Variants in MAP3K1 observed in about 807,000 individuals in gnomAD.
MAP3K1 encodes the protein MAP/ERK kinase kinase 1.
Under a neutral mutation model 144.2 loss-of-function variants are expected in MAP3K1, and 36 were observed. The observed-to-expected ratio is 0.25, with a 90% CI of 0.19 to 0.33. The LOEUF is 0.33. MAP3K1 is among the 10% of genes least tolerant of loss of function. The probability of loss-of-function intolerance (pLI) is 1.00; values close to 1 mark genes in which losing one functional copy is unlikely to be tolerated. For synonymous variants in MAP3K1, 718 were observed against 688.7 expected, an observed-to-expected ratio of 1.04 and a Z score of -0.67; for missense variants, 1,650 against 1,881.9, an observed-to-expected ratio of 0.88 and a Z score of 2.28.
chr5:56,885,074 G>A (rs1267379426), intron 16 of MAP3K1, among the ~76,000 whole-genome samples: 2 of 151,990 alleles, frequency 1.3e-5, no homozygotes, highest in African/African-American at 4.8e-5. Context: ...TAGCATTGTT[G>A]TTTTTAATAC....
intron 17 of MAP3K1, among the ~76,000 whole-genome samples, chr5:56,886,529 A>G (rs75719928): frequency 0.032 from 4,925 of 152,282 alleles, 250 homozygotes; most frequent in African/African-American, 0.11. Flanking sequence ...TCCTCGTTTA[A>G]TAGAAAAGTA....
At chr5:56,858,199 A>G (rs543531513) in intron 2 of MAP3K1, among the ~76,000 whole-genome samples, 1 of 152,380 alleles carries the variant, frequency 6.6e-6, no homozygotes, top group South Asian at 2.1e-4. Context: ...TGAAGTTTGA[A>G]TGTGCTGCTT....
Position 56,859,770 on chromosome 5 carries a change from C to G in MAP3K1, c.689C>G (p.Ala230Gly), listed in dbSNP as rs886494812. The change falls in exon 3 of 20, where the codon GCT (alanine) becomes GGT (glycine). Residue 230 changes from alanine (A) to glycine (G), a missense_variant. Around this residue, in one of 6 missense-constraint regions of MAP3K1, gnomAD observed 148 missense variants for 177.2 expected, o/e 0.84. Coordinates refer to ENST00000399503, the MANE Select transcript of MAP3K1 (RefSeq NM_005921.2). The stretch of plus-strand genomic sequence containing the variant: ...GGATCTGAAATGAATCACTTAGCAG[C>G]TGAGTCTCCAGGAGAGGTCCAGGCA... ...GDGSEMNHLA[A>G]ESPGEVQASA... The G allele has an allele frequency of 1.2e-5, 19 of 1,613,956 alleles. No individual in the cohort carries two copies. Among genetic ancestry groups the G allele is most frequent in the Non-Finnish European group, 1.5e-5 (18 of 1,180,014 alleles).
intron 1 of MAP3K1, among the ~76,000 whole-genome samples, chr5:56,849,253 C>T (rs561755596): frequency 3.3e-5 from 5 of 151,454 alleles, no homozygotes; most frequent in Non-Finnish European, 7.4e-5. Context: ...GGGAGGCTGA[C>T]GCTGGAGGAT....
intron 1 of MAP3K1, among the ~76,000 whole-genome samples, chr5:56,831,891 C>T (rs530838070): frequency 6.6e-6 from 1 of 152,124 alleles, no homozygotes; most frequent in Admixed American, 6.5e-5. Flanking sequence ...TCTAGACATT[C>T]CTTGTGGGCA....
intron 14 of MAP3K1, 85 bp downstream of exon 14, chr5:56,882,951 G>T: frequency 9.3e-7 from 1 of 1,070,788 alleles, no homozygotes; most frequent in African/African-American, 1.6e-5. Context: ...CACTTGGGGA[G>T]GCTGAGGCCG....
chr5:56,834,842 A>G (rs759326001), intron 1 of MAP3K1, among the ~76,000 whole-genome samples: 22 of 151,920 alleles, frequency 1.4e-4, no homozygotes, highest in Middle Eastern at 3.2e-3. Flanking sequence ...TTTGTTGTGT[A>G]TATTTTACTT....
At chr5:56,839,444 G>T (rs1203646266) in intron 1 of MAP3K1, among the ~76,000 whole-genome samples, 2 of 152,160 alleles carry the variant, frequency 1.3e-5, no homozygotes, top group African/African-American at 2.4e-5. Context: ...TAATCCATGA[G>T]GGGTGATAGA....
intron 1 of MAP3K1, among the ~76,000 whole-genome samples, chr5:56,851,020 C>A (rs960101789): frequency 2.0e-5 from 3 of 152,206 alleles, no homozygotes; most frequent in African/African-American, 7.2e-5. Flanking sequence ...AATCTCAGCT[C>A]ACCGCAACCT....
At chr5:56,887,005 C>T (rs553886577) in intron 17 of MAP3K1, among the ~76,000 whole-genome samples, 1 of 152,258 alleles carries the variant, frequency 6.6e-6, no homozygotes, top group South Asian at 2.1e-4. Context: ...TCAAGCGACC[C>T]GCTTGCCTCA....
rs564451578 is a variant in MAP3K1, at chr5:56,826,837, A to C, written c.482+10782A>C. Among the ~76,000 whole-genome samples, 21 of 152,358 alleles carry C rather than the reference A, an allele frequency of 1.4e-4. No homozygotes were observed. The South Asian group carries it at 4.3e-3, about 32-fold the overall frequency. ...GAGGAGATGTCCATGCCTTCAAGAAACACTCAGAGCTGCCAGCCAGGCACC... is the reference window on the plus strand; with the variant it reads ...GAGGAGATGTCCATGCCTTCAAGAACCACTCAGAGCTGCCAGCCAGGCACC... On this transcript the variant is annotated intron_variant, in intron 1 of 19. Coordinates refer to ENST00000399503, the MANE Select transcript of MAP3K1 (RefSeq NM_005921.2).
Position 56,865,834 on chromosome 5 carries a change from G to C in MAP3K1, c.1158G>C (p.Glu386Asp). 1 of 1,614,036 alleles carries C rather than the reference G, an allele frequency of 6.2e-7. No homozygotes were observed. Among genetic ancestry groups the C allele is most frequent in the Non-Finnish European group, 8.5e-7 (1 of 1,179,922 alleles). ...CTGTCTTTTTCCAATGTTAGGTTGAGAGTTTGTTCCAGAAATATCACAGTA... is the reference window on the plus strand; with the variant it reads ...CTGTCTTTTTCCAATGTTAGGTTGACAGTTTGTTCCAGAAATATCACAGTA... ...WRKTLKNFEV[E>D]SLFQKYHSRR... The change falls in exon 6 of 20, where the codon GAG becomes GAC. Residue 386 changes from glutamate (E) to aspartate (D), a missense_variant. This residue lies in a region of MAP3K1 where 125 missense variants were observed against 179.9 expected (regional missense o/e 0.69). Coordinates refer to ENST00000399503, the MANE Select transcript of MAP3K1 (RefSeq NM_005921.2).
At chr5:56,852,485 T>C (rs774024041) in intron 1 of MAP3K1, among the ~76,000 whole-genome samples, 2 of 152,196 alleles carry the variant, frequency 1.3e-5, no homozygotes, top group Non-Finnish European at 2.9e-5. Context: ...AATTCATTCT[T>C]AGGAATGTCT....
At chr5:56,843,481 T>TA (rs1412740171) in intron 1 of MAP3K1, among the ~76,000 whole-genome samples, 1 of 152,218 alleles carries the variant, frequency 6.6e-6, no homozygotes, top group African/African-American at 2.4e-5. Context: ...TTCTGGGACT[T>TA]ACTTGTAACC....
intron 14 of MAP3K1, 35 bp downstream of exon 14, chr5:56,882,901 C>T (rs1579780651): frequency 6.5e-7 from 1 of 1,536,672 alleles, no homozygotes; most frequent in South Asian, 1.1e-5. Flanking sequence ...TAGAAAACTT[C>T]CTTGGGGCTG....
At chr5:56,820,689 A>T in intron 1 of MAP3K1, 1 of 985,342 alleles carries the variant, frequency 1.0e-6, no homozygotes, top group Non-Finnish European at 1.2e-6. Context: ...AGAAACTTTT[A>T]CTATTGCTAG....
At position 56,872,899 on chromosome 5, in the gene MAP3K1, C is replaced by T; in HGVS notation, c.1580C>T (p.Pro527Leu). 1 of 1,614,162 alleles carries T rather than the reference C, an allele frequency of 6.2e-7. No individual in the cohort carries two copies. Among genetic ancestry groups the T allele is most frequent in the Non-Finnish European group, 8.5e-7 (1 of 1,180,012 alleles). Residue 527 changes from proline (P) to leucine (L), a missense_variant, in exon 9 of 20, where the codon CCT becomes CTT. By Grantham distance (98) the Pro-to-Leu change is moderately conservative. Coordinates refer to ENST00000399503, the MANE Select transcript of MAP3K1 (RefSeq NM_005921.2). ...AAQQQTVQQQ[P>L]LAGSRRNQES... ...CAGCAGCAAACCGTACAGCAGCAGC[C>T]TTTGGCTGGATCACGAAGGAATCAA...
At chr5:56,836,663 G>A (rs1746664701) in intron 1 of MAP3K1, among the ~76,000 whole-genome samples, 1 of 152,076 alleles carries the variant, frequency 6.6e-6, no homozygotes, top group African/African-American at 2.4e-5. Context: ...TTGAAGTTTT[G>A]TCTTGTGTAT....
At chr5:56,830,978 G>A (rs578180632) in intron 1 of MAP3K1, among the ~76,000 whole-genome samples, 19 of 151,460 alleles carry the variant, frequency 1.3e-4, no homozygotes, top group Admixed American at 9.2e-4. Context: ...GTAACAGCAC[G>A]TAAATGTTTT....
Sources: allele counts gnomAD v4.1 joint callset (sites outside exome capture counted in the v4.1 genomes callset), GRCh38; gene constraint gnomAD v4.1.1; regional missense constraint gnomAD v4.1.1; transcripts MANE v1.5; gene names NCBI Gene and HGNC (gene_info 2026-07-23, HGNC 2026-07-21).